The following MGMT variants were observed in gnomAD, a reference collection of about 807,000 sequenced individuals.
The protein encoded by MGMT is methylated-DNA--protein-cysteine methyltransferase.
In MGMT, 14 loss-of-function variants were observed where a neutral mutation model predicts 15.9. The observed-to-expected ratio is 0.88, with a 90% CI of 0.58 to 1.37. MGMT has a LOEUF of 1.37. MGMT is among the 40% of genes most tolerant of loss of function. The probability of loss-of-function intolerance (pLI) is 0.00; values close to 1 mark genes in which losing one functional copy is unlikely to be tolerated. For missense variants in MGMT, 282 were observed against 268.1 expected (o/e 1.05, Z -0.36); for synonymous variants, 130 against 118.2 (o/e 1.10, Z -0.65).
intron 1 of MGMT, among the ~76,000 whole-genome samples, chr10:129,521,651 G>T (rs1244196206): frequency 3.3e-5 from 5 of 152,204 alleles, no homozygotes; most frequent in South Asian, 4.1e-4. Flanking sequence ...ACCTTGGGGA[G>T]ATGTGACCAG....
intron 2 of MGMT, among the ~76,000 whole-genome samples, chr10:129,539,712 T>C (rs1846024042): frequency 5.9e-5 from 9 of 152,166 alleles, no homozygotes; most frequent in Admixed American, 5.9e-4. Flanking sequence ...TTCACTGTGT[T>C]AGCCAGGATG....
intron 2 of MGMT, among the ~76,000 whole-genome samples, chr10:129,699,952 T>C (rs545617594): frequency 4.0e-4 from 60 of 151,626 alleles, no homozygotes; most frequent in Middle Eastern, 6.8e-3. Context: ...CCAGAAAGTT[T>C]TAAAAAAAAA....
chr10:129,547,074 C>G (rs1483779864), intron 2 of MGMT, among the ~76,000 whole-genome samples: 4 of 152,202 alleles, frequency 2.6e-5, no homozygotes, highest in African/African-American at 4.8e-5. Context: ...TATCACACTG[C>G]AGAATTCTTA....
At chr10:129,709,960 A>T (rs2133144449) in intron 3 of MGMT, among the ~76,000 whole-genome samples, 1 of 152,294 alleles carries the variant, frequency 6.6e-6, no homozygotes, top group Admixed American at 6.5e-5. Context: ...CCCTGCAAGC[A>T]CTGAACCCCC....
intron 1 of MGMT, among the ~76,000 whole-genome samples, chr10:129,491,202 T>C (rs1845465958): frequency 6.6e-6 from 1 of 152,100 alleles, no homozygotes; most frequent in African/African-American, 2.4e-5. Context: ...GGCAGTGAAT[T>C]GGTCCATTTT....
At chr10:129,549,009 G>C (rs1846127008) in intron 2 of MGMT, among the ~76,000 whole-genome samples, 1 of 152,194 alleles carries the variant, frequency 6.6e-6, no homozygotes, top group Non-Finnish European at 1.5e-5. Flanking sequence ...TAAATAGCTG[G>C]CTTCTTTGTT....
chr10:129,485,206 ACT>A (rs1718912902), intron 1 of MGMT, among the ~76,000 whole-genome samples: 3 of 152,052 alleles, frequency 2.0e-5, no homozygotes. Flanking sequence ...GGCCACAGGG[ACT>A]CTTCTGGAGA....
intron 2 of MGMT, among the ~76,000 whole-genome samples, chr10:129,598,782 G>A (rs1395396216): frequency 6.6e-6 from 1 of 152,152 alleles, no homozygotes; most frequent in East Asian, 1.9e-4. Flanking sequence ...AAGTAGAGAC[G>A]ACTTGCCCAC....
rs774653754 is a variant in MGMT, at chr10:129,467,243, C to T, written c.-66C>T. On this transcript the variant is annotated 5_prime_UTR_variant, in exon 1 of 5. The change creates a new upstream start codon in the 5' untranslated region. Transcript: ENST00000651593. ...GCTGGGACAGCCCGCGCCCCTAGAA[C>T]GCTTTGCGTCCCGACGCCCGCAGGT... 9.3e-6 allele frequency: 14 copies of T among 1,505,870 alleles called. No homozygotes were observed. In the South Asian group the frequency reaches 1.4e-4, roughly 16 times the overall value. The allele number at this position is 1,505,870 out of a possible 1,614,324, so 93.3% of individuals were successfully genotyped here. A position where few individuals can be genotyped will look rare whatever the true frequency, so the allele number is the denominator to read the frequency against.
At chr10:129,740,445 A>G (rs1046759190) in intron 3 of MGMT, among the ~76,000 whole-genome samples, 1 of 152,184 alleles carries the variant, frequency 6.6e-6, no homozygotes, top group African/African-American at 2.4e-5. Flanking sequence ...GTAGTTAAGA[A>G]TGCCTTACGA....
chr10:129,686,593 C>G (rs1004786107), intron 2 of MGMT, among the ~76,000 whole-genome samples: 2 of 152,142 alleles, frequency 1.3e-5, no homozygotes, highest in African/African-American at 4.8e-5. Flanking sequence ...AAACTCCTGA[C>G]CTCAAGTGAT....
intron 2 of MGMT, among the ~76,000 whole-genome samples, chr10:129,560,119 A>C (rs1348468601): frequency 6.6e-6 from 1 of 152,252 alleles, no homozygotes; most frequent in Non-Finnish European, 1.5e-5. Context: ...AGGTGCCTTC[A>C]TTAATCATTC....
intron 2 of MGMT, among the ~76,000 whole-genome samples, chr10:129,562,774 G>A (rs894811194): frequency 1.3e-5 from 2 of 152,162 alleles, no homozygotes; most frequent in African/African-American, 2.4e-5. Flanking sequence ...AGGTTTCTTT[G>A]TAAAAGTGAA....
At chr10:129,502,544 T>TA (rs371386212) in intron 1 of MGMT, among the ~76,000 whole-genome samples, 14 of 149,146 alleles carry the variant, frequency 9.4e-5, no homozygotes, top group South Asian at 2.1e-4. Context: ...AAAAAATGAG[T>TA]AAAAAAAAAA....
intron 3 of MGMT, among the ~76,000 whole-genome samples, chr10:129,745,004 A>G (rs1186586725): frequency 1.3e-5 from 2 of 152,128 alleles, no homozygotes; most frequent in Admixed American, 6.5e-5. Context: ...CCCGGGAGGT[A>G]GGTGCCTGGT....
chr10:129,624,584 A>G (rs569444540), intron 2 of MGMT, among the ~76,000 whole-genome samples: 1 of 152,360 alleles, frequency 6.6e-6, no homozygotes, highest in East Asian at 1.9e-4. Context: ...CACAGGGAAG[A>G]CACGAAATAG....
At chr10:129,698,095 G>T (rs1484717181) in intron 2 of MGMT, among the ~76,000 whole-genome samples, 4 of 152,180 alleles carry the variant, frequency 2.6e-5, no homozygotes, top group Non-Finnish European at 2.9e-5. Context: ...AGAGCCTGCA[G>T]GGGTACCCAC....
At chr10:129,610,482 T>C (rs539428067) in intron 2 of MGMT, among the ~76,000 whole-genome samples, 100 of 152,370 alleles carry the variant, frequency 6.6e-4, no homozygotes, top group African/African-American at 2.3e-3. Context: ...TGCACATGGC[T>C]GGCCCCTTGT....
chr10:129,509,474 GA>G (rs536299390), intron 1 of MGMT, among the ~76,000 whole-genome samples: 403 of 152,278 alleles, frequency 2.6e-3, no homozygotes, highest in African/African-American at 8.9e-3. Context: ...GATTTCTATA[GA>G]AAAAGGTGTG....
Sources: allele counts gnomAD v4.1 joint callset (sites outside exome capture counted in the v4.1 genomes callset), GRCh38; gene constraint gnomAD v4.1.1; transcripts MANE v1.5; gene names NCBI Gene and HGNC (gene_info 2026-07-23, HGNC 2026-07-21).